Variants in PTPN22 observed in about 807,000 individuals in gnomAD.
PTPN22 encodes tyrosine-protein phosphatase non-receptor type 22.
In PTPN22, 85 loss-of-function variants were observed where a neutral mutation model predicts 103.3. The ratio of observed to expected loss-of-function variants is 0.82; its 90% CI spans 0.69 to 0.99. The LOEUF (loss-of-function observed/expected upper bound fraction) is 0.99, where lower values mean the gene tolerates loss of function less well. Ranked by LOEUF, PTPN22 falls within the 50% of genes least tolerant of loss-of-function variation. The pLI is 0.00. For missense variants in PTPN22, 865 were observed against 936.9 expected, an observed-to-expected ratio of 0.92 and a Z score of 1.00; for synonymous variants, 323 against 310.2, an observed-to-expected ratio of 1.04 and a Z score of -0.43.
rs770407560 is a variant in PTPN22 at position 113,829,659 on chromosome 1, G to A, written c.2183C>T (p.Thr728Ile). ...TTTTGAAGATGTTGAATTTTCCATG[G>A]TGTCAGGATAGCTAGTAGAATATGT... The change falls in exon 18 of 21, where the codon ACC (threonine) becomes ATC (isoleucine). Residue 728 changes from threonine to isoleucine, a missense_variant. This residue lies in a region of PTPN22 where 401 missense variants were observed against 388.6 expected (regional missense o/e 1.03). Coordinates refer to ENST00000359785, the Ensembl canonical transcript of PTPN22. 11 of 1,608,274 alleles carry A rather than the reference G, an allele frequency of 6.8e-6. No homozygotes were observed. In the South Asian group the frequency reaches 1.2e-4, roughly 18 times the overall value.
rs1321270086 is a variant in PTPN22, at chr1:113,857,729, G to T, written c.408+9C>A. ...TTTTAAGGTCAGCAGGTACTAGAAA[G>T]TAACTTACCTTTCCCATTTCATACT... On this transcript the variant is annotated intron_variant, in intron 5 of 20. Transcript: ENST00000359785. 6.2e-7 allele frequency: 1 copy of T among 1,610,304 alleles called. No homozygotes were observed. Among genetic ancestry groups the T allele is most frequent in the East Asian group, 2.2e-5 (1 of 44,630 alleles).
chr1:113,846,976 G>A (rs988997260), intron 11 of PTPN22, among the ~76,000 whole-genome samples: 1 of 130,554 alleles, frequency 7.7e-6, no homozygotes, highest in Admixed American at 7.6e-5. Context: ...TCTGGATTTT[G>A]ATGACCCAAT....
chr1:113,841,538 G>A (rs962792161), intron 11 of PTPN22, among the ~76,000 whole-genome samples: 3 of 151,838 alleles, frequency 2.0e-5, no homozygotes, highest in African/African-American at 7.3e-5. Flanking sequence ...TATCTGATAA[G>A]GGATCAATAT....
intron 11 of PTPN22, among the ~76,000 whole-genome samples, chr1:113,848,298 G>A (rs1353513811): frequency 3.3e-5 from 5 of 151,684 alleles, no homozygotes; most frequent in South Asian, 2.1e-4. Flanking sequence ...TGCCTGCCTC[G>A]AGCTCCCAAA....
In PTPN22 at chr1:113,871,580, T is replaced by G. The variant is rs745826999; in HGVS notation, c.44A>C (p.Gln15Pro). Reference sequence around the variant, plus strand: ...CTCCTCTTTAGTAATTTTCTTGCTTTGGGCCTCATCCAGGAACTTCTGCAG... The same window carrying G: ...CTCCTCTTTAGTAATTTTCTTGCTTGGGGCCTCATCCAGGAACTTCTGCAG... The change falls in exon 1 of 21, where the codon CAA becomes CCA. Residue 15 changes from glutamine (Q) to proline (P), a missense_variant. Gln to Pro is a moderately conservative substitution (Grantham distance 76). Coordinates refer to ENST00000359785, the Ensembl canonical transcript of PTPN22. 3.1e-6 allele frequency: 5 copies of G among 1,613,954 alleles called. No homozygotes were observed. The highest frequency in any genetic ancestry group is 1.7e-5 in the Admixed American group (1 of 60,004).
intron 19 of PTPN22, among the ~76,000 whole-genome samples, chr1:113,820,713 A>C (rs533507101): frequency 6.6e-6 from 1 of 152,224 alleles, no homozygotes; most frequent in African/African-American, 2.4e-5. Flanking sequence ...GTTTGTATAA[A>C]CTTTCTAACA....
At chr1:113,829,140 A>G (rs974634050) in intron 18 of PTPN22, 3 of 152,082 alleles carry the variant, frequency 2.0e-5, no homozygotes, top group Non-Finnish European at 2.9e-5. Flanking sequence ...AATTCAGTTT[A>G]TCTAGTTCCA....
intron 5 of PTPN22, 139 bp from the exon 6 acceptor site, chr1:113,856,758 A>C (rs1184423913): frequency 1.0e-6 from 1 of 997,832 alleles, no homozygotes; most frequent in Middle Eastern, 2.1e-4. Flanking sequence ...CAACCCCTAC[A>C]TTATTGGAAT....
chr1:113,822,017 TATTTTTTTTCCATCATAAG>T (rs946866502), intron 19 of PTPN22, among the ~76,000 whole-genome samples: 4 of 152,168 alleles, frequency 2.6e-5, no homozygotes, highest in Non-Finnish European at 4.4e-5. Flanking sequence ...AATAAAGAGT[TATTTTTTTTCCATCATAAG>T]CCTGAACTCA....
chr1:113,867,893 C>A (rs1460822223), intron 1 of PTPN22, among the ~76,000 whole-genome samples: 2 of 152,158 alleles, frequency 1.3e-5, no homozygotes, highest in African/African-American at 2.4e-5. Context: ...GTTCCAGGAC[C>A]ACCCCCTTCA....
intron 11 of PTPN22, among the ~76,000 whole-genome samples, chr1:113,842,926 C>T (rs1663689677): frequency 6.7e-6 from 1 of 149,066 alleles, no homozygotes; most frequent in Non-Finnish European, 1.5e-5. Context: ...ACGGTGAAAC[C>T]CCGTCTCTAC....
chr1:113,821,896 A>G lies in PTPN22; in HGVS notation c.2282-2242T>C, dbSNP rs566372815. On this transcript the variant is annotated intron_variant, in intron 19 of 20. Transcript: ENST00000359785. ...GTGTTAAATATTAGGGCATGACACT[A>G]TCCTGCCTAATCAGAACATTGACTA... Among the ~76,000 whole-genome samples the G allele has an allele frequency of 4.6e-5, 7 of 152,362 alleles. No individual in the cohort carries two copies. In the East Asian group the frequency reaches 1.3e-3, roughly 29 times the overall value.
At position 113,834,994 on chromosome 1, in the gene PTPN22, C is replaced by G; in HGVS notation, c.1811-1G>C. On this transcript the variant is annotated splice_acceptor_variant, in intron 13 of 20. Coordinates refer to ENST00000359785, the Ensembl canonical transcript of PTPN22. LOFTEE classifies it high-confidence loss of function. ...TCATCATCTATCCTTGGAGCAGTTG[C>G]TATCCAAAATGTCAAAAATATTGTA... 1 of 1,530,640 alleles carries G rather than the reference C, an allele frequency of 6.5e-7. No homozygotes were observed. Among genetic ancestry groups the G allele is most frequent in the Non-Finnish European group, 8.8e-7 (1 of 1,141,034 alleles). 94.8% of individuals were successfully genotyped at this position (1,530,640 alleles called of 1,614,324 possible). A position where few individuals can be genotyped will look rare whatever the true frequency, so the allele number is the denominator to read the frequency against.
At chr1:113,816,248 G>A (rs372248165) in intron 20 of PTPN22, among the ~76,000 whole-genome samples, 1 of 152,070 alleles carries the variant, frequency 6.6e-6, no homozygotes, top group Non-Finnish European at 1.5e-5. Flanking sequence ...CAAGGCAGGT[G>A]GATCGCTTGA....
chr1:113,834,779 T>TTGAACTCCTGGCCTCAA (rs1553248221), intron 14 of PTPN22, 131 bp downstream of exon 14: 1 of 817,494 alleles, frequency 1.2e-6, no homozygotes, highest in Non-Finnish European at 2.0e-6. Context: ...CAGGCTAGTC[T>TTGAACTCCTGGCCTCAA]TGAACTCCTG....
chr1:113,864,280 T>C (rs563520264), intron 1 of PTPN22: 58 of 452,024 alleles, frequency 1.3e-4, no homozygotes, highest in South Asian at 8.4e-4. Context: ...ATCTCAGCAC[T>C]TTGGGAGGCT....
chr1:113,838,721 A>T, intron 11 of PTPN22, 101 bp from the exon 12 acceptor site: 2 of 1,466,930 alleles, frequency 1.4e-6, no homozygotes, highest in Non-Finnish European at 1.8e-6. Flanking sequence ...GGAAATAAAA[A>T]GATTTAAAAT....
rs901741038 is a variant in PTPN22 at position 113,837,476 on chromosome 1, A to G, written c.1810+114T>C. On this transcript the variant is annotated intron_variant, in intron 13 of 20. Transcript: ENST00000359785. ...AAAAAAAAAAAGAAAAAAAAGAGAA[A>G]AAAGAAAGAAAGAGAAGAAGCAGAG... 4 of 784,578 alleles carry G rather than the reference A, an allele frequency of 5.1e-6. No homozygotes were observed. The East Asian group carries it at 1.1e-4, about 22-fold the overall frequency. The allele number at this position is 784,578 out of a possible 1,614,324, so 48.6% of individuals were successfully genotyped here. A position where few individuals can be genotyped will look rare whatever the true frequency, so the allele number is the denominator to read the frequency against.
rs1342050368 is a variant in PTPN22, at chr1:113,830,042, A to G, written c.2054-13T>C. 4 of 1,552,508 alleles carry G rather than the reference A, an allele frequency of 2.6e-6. No individual in the cohort carries two copies. The highest frequency in any genetic ancestry group is 3.5e-6 in the Non-Finnish European group (4 of 1,130,926). On this transcript the variant is annotated splice_polypyrimidine_tract_variant and intron_variant, in intron 16 of 20. Coordinates refer to ENST00000359785, the Ensembl canonical transcript of PTPN22. ...TCTTGATGTAGTTCTGTGATAAGAA[A>G]GTATACAATAAACCAGAGAAATCCA...
Sources: allele counts gnomAD v4.1 joint callset (sites outside exome capture counted in the v4.1 genomes callset), GRCh38; gene constraint gnomAD v4.1.1; regional missense constraint gnomAD v4.1.1; transcripts MANE v1.5; gene names NCBI Gene and HGNC (gene_info 2026-07-23, HGNC 2026-07-21).